Variants in SNX29 observed in about 807,000 individuals in gnomAD.
SNX29 encodes sorting nexin-29.
A neutral mutation model predicts 102.1 loss-of-function variants in SNX29; 78 were observed. The ratio of observed to expected loss-of-function variants is 0.76; its 90% confidence interval spans 0.64 to 0.92. SNX29 has a LOEUF of 0.92. Ranked by LOEUF, SNX29 falls within the 40% of genes least tolerant of loss-of-function variation. The pLI is 0.00. For missense variants in SNX29, 1,280 were observed against 1,061.7 expected (o/e 1.21, Z -2.86); for synonymous variants, 580 against 414.5 (o/e 1.40, Z -4.85).
At chr16:12,312,369 T>A (rs992011117) in intron 15 of SNX29, among the ~76,000 whole-genome samples, 1 of 152,156 alleles carries the variant, frequency 6.6e-6, no homozygotes, top group African/African-American at 2.4e-5. Flanking sequence ...AGAGGTTGAG[T>A]TGAAAAACTG....
intron 14 of SNX29, among the ~76,000 whole-genome samples, chr16:12,206,820 T>TTTTTG (rs979743777): frequency 2.0e-5 from 3 of 150,490 alleles, no homozygotes; most frequent in Non-Finnish European, 4.4e-5. Context: ...GGTGGTTTTT[T>TTTTTG]TTTTTTTTTT....
intron 18 of SNX29, among the ~76,000 whole-genome samples, chr16:12,407,028 CCA>C (rs924978262): frequency 6.6e-6 from 1 of 152,234 alleles, no homozygotes; most frequent in African/African-American, 2.4e-5. Context: ...AACATTTACC[CCA>C]CACACAGAGG....
rs926883815 is a variant in SNX29, at chr16:12,495,905, TAGAC to T, written c.2178+18050_2178+18053del. On this transcript the variant is annotated intron_variant, in intron 19 of 20. Transcript: ENST00000566228. ...CCATGTCTACTAAAAATACAAAAATTAGACAGATACGGTGTCAGGTGCCTGTAAT... is the reference window on the plus strand; with the variant it reads ...CCATGTCTACTAAAAATACAAAAATTAGATACGGTGTCAGGTGCCTGTAAT... Among the ~76,000 whole-genome samples the T allele has an allele frequency of 3.5e-4, 53 of 152,120 alleles. 1 individual carries two copies. Among genetic ancestry groups the T allele is most frequent in the Admixed American group, 3.1e-3 (48 of 15,258 alleles).
chr16:12,316,329 G>C (rs2080736939), intron 15 of SNX29, among the ~76,000 whole-genome samples: 1 of 152,190 alleles, frequency 6.6e-6, no homozygotes, highest in Non-Finnish European at 1.5e-5. Flanking sequence ...TGGATCACGA[G>C]GTCAAGAGAT....
chr16:12,462,174 G>A (rs1490941047), intron 18 of SNX29, among the ~76,000 whole-genome samples: 1 of 151,350 alleles, frequency 6.6e-6, no homozygotes, highest in Non-Finnish European at 1.5e-5. Context: ...CTAGTCCCCA[G>A]CGAGCTCTCA....
chr16:12,357,553 CT>C (rs1333865618), intron 16 of SNX29, among the ~76,000 whole-genome samples: 6 of 152,306 alleles, frequency 3.9e-5, no homozygotes, highest in East Asian at 1.9e-4. Context: ...CCTAACATAA[CT>C]TGTACCATTT....
In SNX29 at chr16:12,286,344, A is replaced by ATT. The variant is rs569920963; in HGVS notation, c.1782+8326_1782+8327dup. On this transcript the variant is annotated intron_variant, in intron 15 of 20. Coordinates refer to ENST00000566228, the MANE Select transcript of SNX29 (RefSeq NM_032167.5). Reference sequence around the variant, plus strand: ...GACTAACAGGGCTAAACCTCCAAGGATTTTTTTTTTTTTTTTTTTGAGATG... The same window carrying ATT: ...GACTAACAGGGCTAAACCTCCAAGGATTTTTTTTTTTTTTTTTTTTTGAGATG... Among the ~76,000 whole-genome samples the ATT allele has an allele frequency of 1.5e-4, 19 of 128,932 alleles. 1 individual carries two copies. The South Asian group carries it at 2.3e-3, about 16-fold the overall frequency. 84.6% of individuals were successfully genotyped at this position (128,932 alleles called of 152,430 possible).
chr16:12,252,970 G>A (rs879727763), intron 14 of SNX29, among the ~76,000 whole-genome samples: 2 of 152,232 alleles, frequency 1.3e-5, no homozygotes, highest in Non-Finnish European at 2.9e-5. Flanking sequence ...AGCTGGGATA[G>A]GAGTGGGGGA....
intron 4 of SNX29, among the ~76,000 whole-genome samples, chr16:12,041,659 T>C (rs1443261702): frequency 6.6e-6 from 1 of 152,198 alleles, no homozygotes; most frequent in East Asian, 1.9e-4. Context: ...TAGTCTTTGC[T>C]TCTCTGGCCA....
At chr16:12,252,552 C>A (rs968319960) in intron 14 of SNX29, among the ~76,000 whole-genome samples, 1 of 152,200 alleles carries the variant, frequency 6.6e-6, no homozygotes, top group South Asian at 2.1e-4. Context: ...TCATCATCAC[C>A]CAATAATAAT....
chr16:12,302,879 A>G (rs566287173), intron 15 of SNX29, among the ~76,000 whole-genome samples: 17 of 152,346 alleles, frequency 1.1e-4, no homozygotes, highest in East Asian at 5.8e-4. Context: ...AAGAGGATCA[A>G]TCTTGGCTCT....
At chr16:12,111,551 G>A (rs1398812769) in intron 11 of SNX29, among the ~76,000 whole-genome samples, 2 of 152,126 alleles carry the variant, frequency 1.3e-5, no homozygotes, top group Non-Finnish European at 2.9e-5. Flanking sequence ...GGAGGTTCCC[G>A]GCCCCTTCCC....
intron 18 of SNX29, among the ~76,000 whole-genome samples, chr16:12,449,803 C>G (rs149283070): frequency 6.6e-6 from 1 of 152,176 alleles, no homozygotes; most frequent in Non-Finnish European, 1.5e-5. Flanking sequence ...TGCTGAAATC[C>G]CTGTCTTTGG....
intron 20 of SNX29, among the ~76,000 whole-genome samples, chr16:12,531,441 C>T (rs1012162004): frequency 6.6e-6 from 1 of 152,194 alleles, no homozygotes. Context: ...GGGCCTGACC[C>T]AGATGGCCAA....
At chr16:12,559,935 C>T (rs1438761362) in intron 20 of SNX29, among the ~76,000 whole-genome samples, 2 of 152,154 alleles carry the variant, frequency 1.3e-5, no homozygotes, top group African/African-American at 2.4e-5. Flanking sequence ...GTCGAGATTA[C>T]ATCACTGCAC....
intron 18 of SNX29, among the ~76,000 whole-genome samples, chr16:12,454,250 G>A: frequency 6.6e-6 from 1 of 152,180 alleles, no homozygotes; most frequent in Admixed American, 6.5e-5. Context: ...TGGCAACTCT[G>A]CAGCTAAGAT....
intron 15 of SNX29, among the ~76,000 whole-genome samples, chr16:12,350,277 A>G (rs891406570): frequency 2.0e-5 from 3 of 152,256 alleles, no homozygotes; most frequent in Non-Finnish European, 2.9e-5. Flanking sequence ...CTGAACGTGT[A>G]CAGACTTTTT....
intron 1 of SNX29, among the ~76,000 whole-genome samples, chr16:11,991,453 C>T (rs2055844037): frequency 6.6e-6 from 1 of 151,574 alleles, no homozygotes; most frequent in African/African-American, 2.4e-5. Flanking sequence ...CAGGAGGGGC[C>T]CGTGGAAGCA....
At chr16:12,193,246 T>C (rs2076688757) in intron 13 of SNX29, among the ~76,000 whole-genome samples, 1 of 152,198 alleles carries the variant, frequency 6.6e-6, no homozygotes, top group African/African-American at 2.4e-5. Context: ...TACAGGAGTT[T>C]GTAATTCCAT....
Sources: gnomAD v4.1 joint callset for allele counts (sites outside exome capture counted in the v4.1 genomes callset) on GRCh38, gnomAD v4.1.1 for gene constraint, MANE v1.5 for transcripts, NCBI Gene and HGNC (gene_info 2026-07-23, HGNC 2026-07-21) for gene names.